BRWD3: variants seen among roughly 807,000 people sequenced by gnomAD.
The protein encoded by BRWD3 is bromodomain and WD repeat domain containing 3, also known as bromodomain and WD repeat-containing protein 3.
In BRWD3, 10 loss-of-function variants were observed where a neutral mutation model predicts 149.7. The observed-to-expected ratio is 0.07, with a 90% CI of 0.04 to 0.11. The LOEUF is 0.11. BRWD3 is among the 10% of genes least tolerant of loss of function. The pLI is 1.00. For synonymous variants in BRWD3, 504 were observed against 456.7 expected (o/e 1.10, Z -1.32); for missense variants, 940 against 1,373.2 (o/e 0.68, Z 4.99).
In BRWD3 at chrX:80,677,113, G is replaced by A. The variant is rs764224302; in HGVS notation, c.4905C>T (p.Tyr1635=). ...TGCTATAATCATGGTCTCCATCTAC[G>A]TAATCTTGATCTGTTCTGGAAGTTG... ...SESTSRTDQD[Y]VDGDHDYSKF... The change falls in exon 41 of 41, where the codon TAC becomes TAT. Residue 1635 remains tyrosine, a synonymous_variant. Coordinates refer to ENST00000373275, the MANE Select transcript of BRWD3 (RefSeq NM_153252.5). The A allele has an allele frequency of 5.4e-5, 66 of 1,211,037 alleles. No individual in the cohort carries two copies. Among genetic ancestry groups the A allele is most frequent in the Non-Finnish European group, 7.2e-5 (64 of 894,896 alleles).
chrX:80,683,411 G>C (rs2072482322), intron 37 of BRWD3, among the ~76,000 whole-genome samples: 1 of 111,255 alleles, frequency 9.0e-6, no homozygotes, highest in African/African-American at 3.3e-5. Context: ...GATCAAGGGG[G>C]AGGGGGAAGC....
chrX:80,789,735 T>C (rs995501598), intron 6 of BRWD3, among the ~76,000 whole-genome samples: 1 of 111,071 alleles, frequency 9.0e-6, no homozygotes, highest in Non-Finnish European at 1.9e-5. Context: ...TTTTAACATA[T>C]GAAAAGCTAC....
At chrX:80,746,040 T>C (rs2073588184) in intron 6 of BRWD3, among the ~76,000 whole-genome samples, 1 of 110,822 alleles carries the variant, frequency 9.0e-6, no homozygotes, top group East Asian at 2.8e-4. Context: ...TTTAAATATA[T>C]AGGTAAATCT....
At chrX:80,781,311 G>A (rs913631600) in intron 6 of BRWD3, among the ~76,000 whole-genome samples, 5 of 111,161 alleles carry the variant, frequency 4.5e-5, no homozygotes, top group African/African-American at 1.3e-4. Flanking sequence ...GGCGATAGAT[G>A]AGTGGCTATT....
At chrX:80,796,307 T>A (rs1034505852) in intron 4 of BRWD3, among the ~76,000 whole-genome samples, 2 of 110,334 alleles carry the variant, frequency 1.8e-5, no homozygotes, top group Non-Finnish European at 3.8e-5. Flanking sequence ...ATTTCTGTAT[T>A]TTTAGTAGAG....
At chrX:80,772,023 G>A (rs985521682) in intron 6 of BRWD3, among the ~76,000 whole-genome samples, 1 of 111,713 alleles carries the variant, frequency 9.0e-6, no homozygotes, top group Non-Finnish European at 1.9e-5. Flanking sequence ...GTTGGTGGGA[G>A]TGTAAACTAG....
intron 6 of BRWD3, among the ~76,000 whole-genome samples, chrX:80,752,533 GTTC>G (rs1263646847): frequency 1.8e-5 from 2 of 111,495 alleles, no homozygotes; most frequent in African/African-American, 3.3e-5. Flanking sequence ...TGTGTTAAGA[GTTC>G]TTTTCTGCAC....
Position 80,690,972 on chromosome X carries a change from T to C in BRWD3, c.3602+81A>G, listed in dbSNP as rs999722104. ...GGTCTTTTGGATGATCATGTTATAC[T>C]ATGGAAATGCAGATCTCAAAAAGGA... On this transcript the variant is annotated intron_variant, in intron 31 of 40. Transcript: ENST00000373275. The C allele has an allele frequency of 7.4e-6, 8 of 1,086,485 alleles. No individual in the cohort carries two copies. The African/African-American group carries it at 1.3e-4, about 18-fold the overall frequency. The allele number at this position is 1,086,485 out of a possible 1,213,427, so 89.5% of individuals were successfully genotyped here.
At chrX:80,682,376 C>A (rs1198349417) in intron 38 of BRWD3, 89 bp downstream of exon 38, 4 of 1,027,659 alleles carry the variant, frequency 3.9e-6, no homozygotes, top group Non-Finnish European at 5.5e-6. Context: ...CTCTTGGGAT[C>A]TCCCCAAATT....
At chrX:80,796,939 C>T (rs762721298) in intron 4 of BRWD3, among the ~76,000 whole-genome samples, 39 of 110,962 alleles carry the variant, frequency 3.5e-4, no homozygotes, top group African/African-American at 1.1e-3. Context: ...TTTGGGAGGC[C>T]GAGGAGGGAG....
Position 80,773,083 on chromosome X carries a change from C to T in BRWD3, c.430+18771G>A, listed in dbSNP as rs745662093. ...TTGACAAGATGGGGTAGGGGAGTCA[C>T]GCAGGAGGGAAGCCGATGTGGTTAT... On this transcript the variant is annotated intron_variant, in intron 6 of 40. Transcript: ENST00000373275. Among the ~76,000 whole-genome samples, 10 of 111,907 alleles carry T rather than the reference C, an allele frequency of 8.9e-5. No homozygotes were observed. The East Asian group carries it at 1.9e-3, about 22-fold the overall frequency.
At chrX:80,729,420 A>G (rs1459036023) in intron 13 of BRWD3, among the ~76,000 whole-genome samples, 1 of 111,450 alleles carries the variant, frequency 9.0e-6, no homozygotes, top group African/African-American at 3.3e-5. Flanking sequence ...TACCCTAAAG[A>G]AGCTGTAGTG....
intron 18 of BRWD3, among the ~76,000 whole-genome samples, chrX:80,718,449 A>G (rs1270864385): frequency 8.9e-6 from 1 of 111,844 alleles, no homozygotes; most frequent in African/African-American, 3.2e-5. Flanking sequence ...CTGTCCACAG[A>G]AACCTAGTAT....
rs967310623 is a variant in BRWD3 at position 80,673,198 on chromosome X, C to T, written c.*3411G>A. ...GCAGAATGAGATTTCTAATTTTACTCAGTTACTTTGTTACTTTGCATCTGC... is the reference window on the plus strand; with the variant it reads ...GCAGAATGAGATTTCTAATTTTACTTAGTTACTTTGTTACTTTGCATCTGC... On this transcript the variant is annotated 3_prime_UTR_variant, in exon 41 of 41. Transcript: ENST00000373275. 9.0e-6 allele frequency: 1 copy of T among 111,218 alleles called. No homozygotes were observed. Among genetic ancestry groups the T allele is most frequent in the African/African-American group, 3.3e-5 (1 of 30,649 alleles). 9.2% of individuals were successfully genotyped at this position (111,218 alleles called of 1,213,427 possible). A position where few individuals can be genotyped will look rare whatever the true frequency, so the allele number is the denominator to read the frequency against.
intron 22 of BRWD3, among the ~76,000 whole-genome samples, chrX:80,705,834 C>T (rs2072856054): frequency 8.9e-6 from 1 of 111,928 alleles, no homozygotes; most frequent in African/African-American, 3.2e-5. Flanking sequence ...GGGCACTTAA[C>T]ATGAATGGAG....
At chrX:80,709,933 A>C in intron 20 of BRWD3, 1 of 910,316 alleles carries the variant, frequency 1.1e-6, no homozygotes, top group Non-Finnish European at 1.6e-6. Flanking sequence ...CCACATTTAG[A>C]AACCAGTATG....
Position 80,703,607 on chromosome X carries a change from A to C in BRWD3, c.2722-14T>G, listed in dbSNP as rs1424069593. The C allele has an allele frequency of 9.0e-6, 10 of 1,108,691 alleles. No homozygotes were observed. The highest frequency in any genetic ancestry group is 1.2e-5 in the Non-Finnish European group (10 of 809,107). The allele number at this position is 1,108,691 out of a possible 1,213,427, so 91.4% of individuals were successfully genotyped here. On this transcript the variant is annotated splice_polypyrimidine_tract_variant and intron_variant, in intron 23 of 40. Transcript: ENST00000373275. ...CAGTCCTCCTTTCTAAAACATAAAT[A>C]CACGAAAAGTATATGTATAAAACAC...
chrX:80,796,346 G>T (rs957442332), intron 4 of BRWD3, among the ~76,000 whole-genome samples: 4 of 110,547 alleles, frequency 3.6e-5, no homozygotes, highest in African/African-American at 1.3e-4. Flanking sequence ...GGCCAGGCTG[G>T]TCTCGAACTC....
intron 20 of BRWD3, among the ~76,000 whole-genome samples, chrX:80,714,056 G>A (rs910233279): frequency 1.1e-4 from 12 of 111,201 alleles, no homozygotes; most frequent in Non-Finnish European, 2.3e-4. Context: ...TCTTGTGGGG[G>A]AAAACCTACA....
Sources: allele counts gnomAD v4.1 joint callset (sites outside exome capture counted in the v4.1 genomes callset), GRCh38; gene constraint gnomAD v4.1.1; transcripts MANE v1.5; gene names NCBI Gene and HGNC (gene_info 2026-07-23, HGNC 2026-07-21).